MACROD1: variants seen among roughly 807,000 people sequenced by gnomAD.
MACROD1 encodes the protein ADP-ribose glycohydrolase MACROD1.
Under a neutral mutation model 41.4 loss-of-function variants are expected in MACROD1, and 31 were observed. The ratio of observed to expected loss-of-function variants is 0.75; its 90% CI spans 0.56 to 1.01. MACROD1 has a LOEUF of 1.01. Among genes scored for constraint, MACROD1 ranks in the 50% least tolerant of loss-of-function variants. The probability of loss-of-function intolerance (pLI) is 0.00; values close to 1 mark genes in which losing one functional copy is unlikely to be tolerated. For missense variants in MACROD1, 473 were observed against 460.0 expected (o/e 1.03, Z -0.26); for synonymous variants, 252 against 203.4 (o/e 1.24, Z -2.03).
intron 1 of MACROD1, among the ~76,000 whole-genome samples, chr11:64,157,829 C>T (rs1420844800): frequency 2.0e-5 from 3 of 152,206 alleles, no homozygotes; most frequent in Admixed American, 2.0e-4. Flanking sequence ...CTGATAAAGG[C>T]TGGGCTCCCA....
chr11:64,145,117 G>A (rs529014557), intron 3 of MACROD1, among the ~76,000 whole-genome samples: 2 of 152,328 alleles, frequency 1.3e-5, no homozygotes, highest in South Asian at 4.1e-4. Context: ...TAAGCGGCCA[G>A]CAGATTCTCA....
At chr11:64,143,801 C>CACACACACACACACACA (rs762084927) in intron 3 of MACROD1, among the ~76,000 whole-genome samples, 1 of 144,854 alleles carries the variant, frequency 6.9e-6, no homozygotes, top group Non-Finnish European at 1.5e-5. Context: ...CACACACACA[C>CACACACACACACACACA]AATTTCCTGG....
chr11:64,038,474 T>TGCGGGTGTTGAGGGACGGAGAG (rs1943424713), intron 3 of MACROD1, among the ~76,000 whole-genome samples: 1 of 152,192 alleles, frequency 6.6e-6, no homozygotes, highest in Non-Finnish European at 1.5e-5. Flanking sequence ...GCCTTGACCC[T>TGCGGGTGTTGAGGGACGGAGAG]GCGGGTGTTG....
At chr11:64,132,148 G>T (rs902865934) in intron 3 of MACROD1, among the ~76,000 whole-genome samples, 4 of 152,026 alleles carry the variant, frequency 2.6e-5, no homozygotes, top group African/African-American at 9.7e-5. Context: ...GGGGACAAGG[G>T]GACCTACAGT....
chr11:64,014,677 C>T (rs1220392075), intron 4 of MACROD1, among the ~76,000 whole-genome samples: 7 of 152,204 alleles, frequency 4.6e-5, no homozygotes, highest in African/African-American at 1.7e-4. Flanking sequence ...GGGACACGCC[C>T]GCTTGGTATC....
At chr11:64,055,525 C>T (rs888800740) in intron 3 of MACROD1, among the ~76,000 whole-genome samples, 7 of 152,156 alleles carry the variant, frequency 4.6e-5, no homozygotes, top group Admixed American at 2.6e-4. Flanking sequence ...TAAAGAGGAG[C>T]GGGGGAACCT....
chr11:64,008,429 G>A (rs1016921390), intron 4 of MACROD1, among the ~76,000 whole-genome samples: 1 of 13,200 alleles, frequency 7.6e-5, no homozygotes, highest in African/African-American at 2.5e-4. Flanking sequence ...GTGCGGGCGC[G>A]GGACAGGGAG....
At chr11:64,077,389 G>A (rs1405337334) in intron 3 of MACROD1, among the ~76,000 whole-genome samples, 1 of 152,192 alleles carries the variant, frequency 6.6e-6, no homozygotes, top group Non-Finnish European at 1.5e-5. Context: ...GGGCTGCCCT[G>A]CCCTCTGTCC....
intron 3 of MACROD1, chr11:64,060,640 C>T (rs1379413205): frequency 1.3e-5 from 2 of 152,202 alleles, no homozygotes; most frequent in African/African-American, 4.8e-5. Flanking sequence ...CCTCCGGACG[C>T]CGTGACCTGG....
intron 3 of MACROD1, among the ~76,000 whole-genome samples, chr11:64,071,563 A>G (rs114860191): frequency 0.01 from 1,524 of 152,020 alleles, 20 homozygotes; most frequent in African/African-American, 0.034. Flanking sequence ...AGGGTGGGAA[A>G]CCTTGCCCCT....
At chr11:64,148,189 C>T (rs2054209479) in intron 3 of MACROD1, among the ~76,000 whole-genome samples, 1 of 152,138 alleles carries the variant, frequency 6.6e-6, no homozygotes, top group East Asian at 1.9e-4. Context: ...GAGATGCCCA[C>T]AGCCTGGCTG....
chr11:64,019,640 T>C (rs987137010), intron 3 of MACROD1, among the ~76,000 whole-genome samples: 5 of 152,124 alleles, frequency 3.3e-5, no homozygotes, highest in African/African-American at 7.2e-5. Context: ...TCAGTGCCAG[T>C]TGGGTGCCAG....
rs1945106616 is a variant in MACROD1 at position 64,122,007 on chromosome 11, GGA to G, written c.517+29230_517+29231del. On this transcript the variant is annotated intron_variant, in intron 3 of 10. Transcript: ENST00000255681. The surrounding 1 kb of genome is among the most constrained non-coding windows in gnomAD (Gnocchi z 4.0). ...AGGAAAGGAAAGAAAAGGCAAGGAAGGAGAGAGAGAAGGCACCAGCAGGCCGG... is the reference window on the plus strand; with the variant it reads ...AGGAAAGGAAAGAAAAGGCAAGGAAGGAGAGAGAAGGCACCAGCAGGCCGG... Among the ~76,000 whole-genome samples the G allele has an allele frequency of 6.6e-6, 1 of 151,952 alleles. No individual in the cohort carries two copies. Among genetic ancestry groups the G allele is most frequent in the South Asian group, 2.1e-4 (1 of 4,810 alleles).
intron 3 of MACROD1, among the ~76,000 whole-genome samples, chr11:64,148,114 C>A (rs572099140): frequency 2.6e-5 from 4 of 151,904 alleles, no homozygotes; most frequent in African/African-American, 9.7e-5. Flanking sequence ...GTGAGGGGGG[C>A]GGGCAGGGGG....
chr11:64,001,928 G>A, intron 4 of MACROD1: 2 of 609,478 alleles, frequency 3.3e-6, no homozygotes, highest in Admixed American at 2.6e-5. Flanking sequence ...ACCTCTCTGG[G>A]TCTCAGTTGC....
At chr11:64,109,015 A>ATG (rs1944813709) in intron 3 of MACROD1, among the ~76,000 whole-genome samples, 1 of 152,154 alleles carries the variant, frequency 6.6e-6, no homozygotes, top group Admixed American at 6.5e-5. Flanking sequence ...GCACGTGAGC[A>ATG]TGTACTTGTC....
Position 64,001,639 on chromosome 11 carries a change from G to T in MACROD1, c.548-1296C>A, listed in dbSNP as rs1942827438. Reference sequence around the variant, plus strand: ...CAATTTCCCAGAGCGTCCCAGGGATGGGTGGGCAGAGAGGTTAGGGGAACG... The same window carrying T: ...CAATTTCCCAGAGCGTCCCAGGGATTGGTGGGCAGAGAGGTTAGGGGAACG... On this transcript the variant is annotated intron_variant, in intron 4 of 10. Transcript: ENST00000255681. 6 of 701,032 alleles carry T rather than the reference G, an allele frequency of 8.6e-6. No individual in the cohort carries two copies. The Admixed American group carries it at 1.2e-4, about 14-fold the overall frequency. The allele number at this position is 701,032 out of a possible 1,614,324, so 43.4% of individuals were successfully genotyped here.
At chr11:64,028,533 G>A (rs946135890) in intron 3 of MACROD1, among the ~76,000 whole-genome samples, 7 of 152,068 alleles carry the variant, frequency 4.6e-5, no homozygotes, top group Non-Finnish European at 8.8e-5. Context: ...CCATTGGTAT[G>A]CGAGGCCCGG....
At chr11:64,068,697 G>A (rs1028837752) in intron 3 of MACROD1, among the ~76,000 whole-genome samples, 3 of 152,230 alleles carry the variant, frequency 2.0e-5, no homozygotes, top group African/African-American at 7.2e-5. Flanking sequence ...TCACGTGTCT[G>A]TCTCTCCCAG....
Sources: allele counts gnomAD v4.1 joint callset (sites outside exome capture counted in the v4.1 genomes callset), GRCh38; gene constraint gnomAD v4.1.1; non-coding constraint Gnocchi (gnomAD v3.1); transcripts MANE v1.5; gene names NCBI Gene and HGNC (gene_info 2026-07-23, HGNC 2026-07-21).